Variants in SZRD1 observed in about 807,000 individuals in gnomAD.
SZRD1 encodes the protein SUZ RNA binding domain containing 1.
In SZRD1, 7 loss-of-function variants were observed where a neutral mutation model predicts 17.6. That is an observed-to-expected ratio of 0.40 (90% CI 0.23 to 0.75). The LOEUF (loss-of-function observed/expected upper bound fraction) is 0.75, where lower values mean the gene tolerates loss of function less well. SZRD1 is among the 30% of genes least tolerant of loss of function. SZRD1 has a pLI of 0.38. For synonymous variants in SZRD1, 77 were observed against 77.9 expected (o/e 0.99, Z 0.06); for missense variants, 178 against 201.8 (o/e 0.88, Z 0.71).
chr1:16,372,289 A>G (rs971536074), intron 1 of SZRD1, among the ~76,000 whole-genome samples: 1 of 152,130 alleles, frequency 6.6e-6, no homozygotes, highest in African/African-American at 2.4e-5. Flanking sequence ...CGTGGCCAAC[A>G]TGGTGAAACC....
At chr1:16,370,816 A>G (rs74055534) in intron 1 of SZRD1, among the ~76,000 whole-genome samples, 4,098 of 152,146 alleles carry the variant, frequency 0.027, 182 homozygotes, top group African/African-American at 0.091. Context: ...TTCATTTTTA[A>G]TAGTTTGTCT....
Position 16,393,855 on chromosome 1 carries a change from T to C in SZRD1, c.356+373T>C, listed in dbSNP as rs2085258372. ...AGTTTTCTCATCTGAAAAAATGGGA[T>C]AATAATAGTACCAACCTTATCAAGG... On this transcript the variant is annotated intron_variant, in intron 3 of 3. Coordinates refer to ENST00000401088, the MANE Select transcript of SZRD1 (RefSeq NM_001114600.3). The surrounding 1 kb of genome is among the most constrained non-coding windows in gnomAD (Gnocchi z 5.6). Among the ~76,000 whole-genome samples the C allele has an allele frequency of 6.6e-6, 1 of 152,174 alleles. No homozygotes were observed. Among genetic ancestry groups the C allele is most frequent in the Admixed American group, 6.5e-5 (1 of 15,268 alleles).
chr1:16,370,611 T>A (rs2082898191), intron 1 of SZRD1, among the ~76,000 whole-genome samples: 1 of 151,766 alleles, frequency 6.6e-6, no homozygotes, highest in African/African-American at 2.4e-5. Flanking sequence ...TGTGCCACTA[T>A]GCCTGGCAGC....
intron 1 of SZRD1, among the ~76,000 whole-genome samples, chr1:16,383,518 C>G (rs2083140022): frequency 6.6e-6 from 1 of 151,828 alleles, no homozygotes; most frequent in South Asian, 2.1e-4. Context: ...CTGCCTCAGC[C>G]TTAATTTTAT....
intron 1 of SZRD1, among the ~76,000 whole-genome samples, chr1:16,390,395 G>T (rs967239511): frequency 6.6e-6 from 1 of 152,224 alleles, no homozygotes; most frequent in Non-Finnish European, 1.5e-5. Flanking sequence ...AGGCCAGGGC[G>T]TGTTGGAAGG....
chr1:16,376,569 G>T (rs1308581640), intron 1 of SZRD1, among the ~76,000 whole-genome samples: 1 of 152,124 alleles, frequency 6.6e-6, no homozygotes. Context: ...ACTTTGGGGG[G>T]CCGAGGCAGG....
At chr1:16,394,591 G>A (rs2085276133) in intron 3 of SZRD1, among the ~76,000 whole-genome samples, 1 of 152,212 alleles carries the variant, frequency 6.6e-6, no homozygotes, top group Non-Finnish European at 1.5e-5. Context: ...ACTTGGAGGT[G>A]CCCTGAGTCA....
rs1168953475 is a variant in SZRD1 at position 16,393,295 on chromosome 1, C to T, written c.169C>T (p.Pro57Ser). 1 of 1,614,188 alleles carries T rather than the reference C, an allele frequency of 6.2e-7. No individual in the cohort carries two copies. The highest frequency in any genetic ancestry group is 8.5e-7 in the Non-Finnish European group (1 of 1,180,030). ...GGACGATAGCCTTCCCGCGGGGCCC[C>T]CTCCACAGATCCGCATCCTCAAGAG... is the stretch of plus-strand genomic sequence containing the variant. ...IQDDSLPAGPPPQIRILKRPT... is the reference protein window; with the variant it reads ...IQDDSLPAGPSPQIRILKRPT... Residue 57 changes from proline (P) to serine (S), a missense_variant, in exon 3 of 4, where the codon CCT becomes TCT. Around this residue, in one of 3 missense-constraint regions of SZRD1, gnomAD observed 117 missense variants for 108.7 expected, o/e 1.08. Transcript: ENST00000401088. The surrounding 1 kb of genome is among the most constrained non-coding windows in gnomAD (Gnocchi z 5.6).
intron 1 of SZRD1, among the ~76,000 whole-genome samples, chr1:16,382,739 C>T (rs965560173): frequency 5.9e-5 from 9 of 152,166 alleles, no homozygotes; most frequent in Admixed American, 2.0e-4. Flanking sequence ...AGGTGATCCG[C>T]CAGCCTCGGC....
chr1:16,387,350 G>A lies in SZRD1; in HGVS notation c.52-4025G>A, dbSNP rs919205982. The A allele has an allele frequency of 4.8e-5, 22 of 455,240 alleles. 1 individual carries two copies. The highest frequency in any genetic ancestry group is 3.5e-4 in the Admixed American group (15 of 42,282). The allele number at this position is 455,240 out of a possible 1,614,324, so 28.2% of individuals were successfully genotyped here. ...GCTTTCCTCAGAGGAGACCTGGATG[G>A]GACTTCTCAAATTCACTCTAATGTG... On this transcript the variant is annotated intron_variant, in intron 1 of 3. Coordinates refer to ENST00000401088, the MANE Select transcript of SZRD1 (RefSeq NM_001114600.3).
At chr1:16,389,761 A>G (rs1028357010) in intron 1 of SZRD1, among the ~76,000 whole-genome samples, 10 of 152,250 alleles carry the variant, frequency 6.6e-5, no homozygotes, top group African/African-American at 2.2e-4. Flanking sequence ...AGTTATTTTC[A>G]GAACATACAG....
intron 1 of SZRD1, among the ~76,000 whole-genome samples, chr1:16,372,533 G>T (rs1034441275): frequency 2.0e-5 from 3 of 152,188 alleles, no homozygotes; most frequent in Non-Finnish European, 4.4e-5. Flanking sequence ...GGCAGCAGAT[G>T]ATATAAAAAT....
At chr1:16,368,448 G>T (rs1442768513) in intron 1 of SZRD1, among the ~76,000 whole-genome samples, 1 of 151,870 alleles carries the variant, frequency 6.6e-6, no homozygotes, top group Non-Finnish European at 1.5e-5. Flanking sequence ...ACTTGGCTTT[G>T]AAGTTTTTTC....
At chr1:16,373,835 A>G (rs1028254768) in intron 1 of SZRD1, among the ~76,000 whole-genome samples, 2 of 151,994 alleles carry the variant, frequency 1.3e-5, no homozygotes, top group Non-Finnish European at 2.9e-5. Flanking sequence ...ATGCCTGAAC[A>G]TAAGTGATCC....
chr1:16,376,562 T>C (rs2083005017), intron 1 of SZRD1, among the ~76,000 whole-genome samples: 1 of 152,088 alleles, frequency 6.6e-6, no homozygotes. Context: ...TCCCAGCACT[T>C]TGGGGGGCCG....
At chr1:16,387,163 C>T in intron 1 of SZRD1, 1 of 391,158 alleles carries the variant, frequency 2.6e-6, no homozygotes. Context: ...TATTACATGC[C>T]AAGTATGTTA....
At chr1:16,375,514 T>C (rs1337279794) in intron 1 of SZRD1, among the ~76,000 whole-genome samples, 1 of 151,980 alleles carries the variant, frequency 6.6e-6, no homozygotes, top group African/African-American at 2.4e-5. Context: ...GGGTTCACCA[T>C]GTTGCCCAAG....
intron 1 of SZRD1, among the ~76,000 whole-genome samples, chr1:16,369,866 G>A (rs2082881419): frequency 6.9e-6 from 1 of 144,720 alleles, no homozygotes; most frequent in South Asian, 2.1e-4. Flanking sequence ...TCCAGCCTGG[G>A]CAACAAGAGT....
At chr1:16,376,375 T>A (rs1001103392) in intron 1 of SZRD1, among the ~76,000 whole-genome samples, 1 of 152,228 alleles carries the variant, frequency 6.6e-6, no homozygotes, top group Admixed American at 6.5e-5. Context: ...TTGAACTCAG[T>A]GCTGAAGAGC....
Sources: gnomAD v4.1 joint callset for allele counts (sites outside exome capture counted in the v4.1 genomes callset) on GRCh38, gnomAD v4.1.1 for gene constraint, gnomAD v4.1.1 regional missense constraint, Gnocchi (gnomAD v3.1) non-coding constraint, MANE v1.5 for transcripts, NCBI Gene and HGNC (gene_info 2026-07-23, HGNC 2026-07-21) for gene names.